The following DNAH2 variants were observed in gnomAD, a reference collection of about 807,000 sequenced individuals.
DNAH2 encodes axonemal beta dynein heavy chain 2.
In DNAH2, 323 loss-of-function variants were observed where a neutral mutation model predicts 523.5. The observed-to-expected ratio is 0.62, with a 90% CI of 0.56 to 0.68. The LOEUF (loss-of-function observed/expected upper bound fraction) is 0.68. Among genes scored for constraint, DNAH2 ranks in the 30% least tolerant of loss-of-function variants. DNAH2 has a pLI of 0.00. For missense variants in DNAH2, 4,907 were observed against 5,701.5 expected, an observed-to-expected ratio of 0.86 and a Z score of 4.49; for synonymous variants, 2,093 against 2,177.4, an observed-to-expected ratio of 0.96 and a Z score of 1.08.
In DNAH2 at chr17:7,760,688, A is replaced by G; in HGVS notation, c.2786-52A>G. The G allele has an allele frequency of 1.3e-6, 2 of 1,565,704 alleles. No homozygotes were observed. The highest frequency in any genetic ancestry group is 1.7e-6 in the Non-Finnish European group (2 of 1,152,192). ...GAGCAGTGGGCAGGGCTCAGGCAGAAGTTGGGTTGGGGTGGAAGTCAGTGA... is the reference window on the plus strand; with the variant it reads ...GAGCAGTGGGCAGGGCTCAGGCAGAGGTTGGGTTGGGGTGGAAGTCAGTGA... On this transcript the variant is annotated intron_variant, in intron 17 of 85. Transcript: ENST00000572933. This position sits in a 1 kb window ranked among gnomAD's most constrained non-coding sequence, Gnocchi z 4.0.
rs992485049 is a variant in DNAH2, at chr17:7,833,721, T to C, written c.*188T>C. The C allele has an allele frequency of 1.3e-6, 1 of 795,586 alleles. No individual in the cohort carries two copies. Among genetic ancestry groups the C allele is most frequent in the Non-Finnish European group, 2.1e-6 (1 of 473,412 alleles). 49.3% of individuals were successfully genotyped at this position (795,586 alleles called of 1,614,324 possible). ...AAAGAGTTGTATTGGAGCTCAGTGC[T>C]GTAAAACACCCGCGACAACAAGCCT... On this transcript the variant is annotated 3_prime_UTR_variant, in exon 86 of 86. Coordinates refer to ENST00000572933, the MANE Select transcript of DNAH2 (RefSeq NM_020877.5).
At chr17:7,759,739 G>C (rs527874791) in intron 16 of DNAH2, 52 bp from the exon 17 acceptor site, 1 of 1,611,292 alleles carries the variant, frequency 6.2e-7, no homozygotes, top group East Asian at 2.2e-5. Context: ...TGAAGTGTGT[G>C]ACCTTCCCAG....
Position 7,766,420 on chromosome 17 carries a change from C to T in DNAH2, c.3614C>T (p.Ala1205Val), listed in dbSNP as rs778574049. The change falls in exon 22 of 86, where the codon GCC becomes GTC. Residue 1205 changes from alanine to valine, a missense_variant. This residue lies in a region of DNAH2 where 2,806 missense variants were observed against 3,190.8 expected (regional missense o/e 0.88). Coordinates refer to ENST00000572933, the MANE Select transcript of DNAH2 (RefSeq NM_020877.5). The stretch of plus-strand genomic sequence containing the variant: ...CGGGAAGAGGAAAATAGTCTCCGAG[C>T]CAACCTGGGCATCTTCAAGATCGAG... ...AMREEENSLR[A>V]NLGIFKIEQP... 6.2e-7 allele frequency: 1 copy of T among 1,613,998 alleles called. No individual in the cohort carries two copies. The highest frequency in any genetic ancestry group is 1.1e-5 in the South Asian group (1 of 91,082).
chr17:7,753,677 G>A lies in DNAH2; in HGVS notation c.1905-3414G>A, dbSNP rs533269736. Among the ~76,000 whole-genome samples, 19 of 152,314 alleles carry A rather than the reference G, an allele frequency of 1.2e-4. No individual in the cohort carries two copies. The South Asian group carries it at 2.3e-3, about 18-fold the overall frequency. On this transcript the variant is annotated intron_variant, in intron 12 of 85. Transcript: ENST00000572933. Reference sequence around the variant, plus strand: ...AAAACCTACAGGCTTGCTGGGTGCTGTGGCTCACGCCTGTAACCCCAGCCC... The same window carrying A: ...AAAACCTACAGGCTTGCTGGGTGCTATGGCTCACGCCTGTAACCCCAGCCC...
intron 59 of DNAH2, 32 bp downstream of exon 59, chr17:7,804,498 A>G: frequency 6.2e-7 from 1 of 1,601,070 alleles, no homozygotes; most frequent in Non-Finnish European, 8.5e-7. Context: ...CCCGTGCCCC[A>G]CTCCCACCAG....
chr17:7,827,800 T>C (rs1001029458), intron 77 of DNAH2, among the ~76,000 whole-genome samples: 1 of 152,096 alleles, frequency 6.6e-6, no homozygotes, highest in Non-Finnish European at 1.5e-5. Context: ...TCTCAAATAC[T>C]GCGAAAGTAC....
intron 63 of DNAH2, among the ~76,000 whole-genome samples, chr17:7,813,705 C>T (rs947042667): frequency 9.2e-5 from 14 of 151,986 alleles, no homozygotes; most frequent in Admixed American, 2.6e-4. Context: ...GTCAGGAGTT[C>T]GAGACCAGCC....
At position 7,798,808 on chromosome 17, in the gene DNAH2, G is replaced by GCACACCCCCACTGCCACACCCCCACTGC; in HGVS notation, c.8559+92_8559+119dup. On this transcript the variant is annotated intron_variant, in intron 55 of 85. Transcript: ENST00000572933. This position sits in a 1 kb window ranked among gnomAD's most constrained non-coding sequence, Gnocchi z 5.5. ...CCACAGCTCCCAGAATGTGCCACTG[G>GCACACCCCCACTGCCACACCCCCACTGC]CACACCCCCACTGCCACACCCCCAC... is the stretch of plus-strand genomic sequence containing the variant. 1 of 1,439,308 alleles carries GCACACCCCCACTGCCACACCCCCACTGC rather than the reference G, an allele frequency of 6.9e-7. No homozygotes were observed. The highest frequency in any genetic ancestry group is 2.3e-5 in the East Asian group (1 of 44,088). 89.2% of individuals were successfully genotyped at this position (1,439,308 alleles called of 1,614,324 possible).
rs2076296610 is a variant in DNAH2 at position 7,770,881 on chromosome 17, T to G, written c.4310T>G (p.Leu1437Trp). The G allele has an allele frequency of 6.2e-7, 1 of 1,614,074 alleles. No individual in the cohort carries two copies. Among genetic ancestry groups the G allele is most frequent in the Admixed American group, 1.7e-5 (1 of 59,998 alleles). Residue 1437 changes from leucine to tryptophan, a missense_variant, in exon 27 of 86, where the codon TTG (leucine) becomes TGG (tryptophan). Leu to Trp is a moderately conservative substitution (Grantham distance 61). This residue lies in a region of DNAH2 where 2,806 missense variants were observed against 3,190.8 expected (regional missense o/e 0.88). Transcript: ENST00000572933. ...TGGGAACGCTGCCTCTCCCTCATTT[T>G]GGAGGTTATTGAGATGATTCTCACA... is the stretch of plus-strand genomic sequence containing the variant. ...DHWERCLSLI[L>W]EVIEMILTVQ...
At chr17:7,728,808 A>C (rs1362069235) in intron 4 of DNAH2, among the ~76,000 whole-genome samples, 1 of 152,128 alleles carries the variant, frequency 6.6e-6, no homozygotes, top group Non-Finnish European at 1.5e-5. Flanking sequence ...AACATAGTGC[A>C]ACCCCATCTC....
At chr17:7,744,132 A>C (rs934537335) in intron 12 of DNAH2, among the ~76,000 whole-genome samples, 8 of 152,002 alleles carry the variant, frequency 5.3e-5, no homozygotes, top group Non-Finnish European at 1.2e-4. Flanking sequence ...TGTCTCTACT[A>C]AAAATACAAA....
chr17:7,756,055 C>T (rs1057251317), intron 12 of DNAH2, among the ~76,000 whole-genome samples: 14 of 151,872 alleles, frequency 9.2e-5, no homozygotes, highest in East Asian at 2.0e-4. Flanking sequence ...GCCTGGCCAA[C>T]GTGGCAAAAC....
Position 7,817,625 on chromosome 17 carries a change from C to T in DNAH2, c.10085C>T (p.Thr3362Ile), listed in dbSNP as rs143034272. ...ATCGATAACTTCCTGTGCAATCCTA[C>T]CAAAGTCCGGGACTGGAACATCCAA... Reference protein sequence around the residue: ...FAIDNFLCNPTKVRDWNIQGL... With the variant: ...FAIDNFLCNPIKVRDWNIQGL... Residue 3362 changes from threonine (T) to isoleucine (I), a missense_variant, in exon 66 of 86, where the codon ACC (threonine) becomes ATC (isoleucine). Physicochemically the swap from Thr to Ile is moderately conservative, Grantham distance 89. This residue lies in a region of DNAH2 where 1,851 missense variants were observed against 2,139.4 expected (regional missense o/e 0.87). Coordinates refer to ENST00000572933, the MANE Select transcript of DNAH2 (RefSeq NM_020877.5). 4.6e-5 allele frequency: 74 copies of T among 1,614,026 alleles called. No homozygotes were observed. Among genetic ancestry groups the T allele is most frequent in the Non-Finnish European group, 6.0e-5 (71 of 1,180,032 alleles).
rs548524201 is a variant in DNAH2, at chr17:7,717,787, G to C, written c.-1027G>C. 6.6e-6 allele frequency: 1 copy of C among 152,468 alleles called. No homozygotes were observed. Among genetic ancestry groups the C allele is most frequent in the South Asian group, 2.1e-4 (1 of 4,818 alleles). 9.4% of individuals were successfully genotyped at this position (152,468 alleles called of 1,614,324 possible). On this transcript the variant is annotated 5_prime_UTR_variant, in exon 1 of 86. Coordinates refer to ENST00000572933, the MANE Select transcript of DNAH2 (RefSeq NM_020877.5). ...GGGCTGCGAGGGGCAACTTCTTAGAGTGGCCCATCGGTCGGTCTAGGGAGG... is the reference window on the plus strand; with the variant it reads ...GGGCTGCGAGGGGCAACTTCTTAGACTGGCCCATCGGTCGGTCTAGGGAGG...
intron 12 of DNAH2, 161 bp downstream of exon 12, chr17:7,743,303 G>A (rs75703833): frequency 9.0e-6 from 7 of 775,708 alleles, no homozygotes; most frequent in Admixed American, 2.2e-5. Flanking sequence ...TTTTATTTTT[G>A]TCTCTCCCCA....
At chr17:7,740,072 G>T (rs561674152) in intron 9 of DNAH2, 134 bp downstream of exon 9, 20 of 665,466 alleles carry the variant, frequency 3.0e-5, no homozygotes, top group Non-Finnish European at 4.5e-5. Context: ...GGCCCGGGGG[G>T]GGGGACAGGA....
At chr17:7,729,327 C>G (rs1005684344) in intron 4 of DNAH2, among the ~76,000 whole-genome samples, 1 of 151,296 alleles carries the variant, frequency 6.6e-6, no homozygotes, top group Non-Finnish European at 1.5e-5. Context: ...CAAAGGATTA[C>G]TTGAGCCCAG....
intron 4 of DNAH2, among the ~76,000 whole-genome samples, chr17:7,732,603 G>T (rs2075021398): frequency 6.6e-6 from 1 of 152,096 alleles, no homozygotes; most frequent in Non-Finnish European, 1.5e-5. Flanking sequence ...ATATGCTTTT[G>T]TACGTAAACC....
intron 12 of DNAH2, among the ~76,000 whole-genome samples, chr17:7,746,559 T>G (rs2075523241): frequency 6.6e-6 from 1 of 152,210 alleles, no homozygotes; most frequent in Non-Finnish European, 1.5e-5. Flanking sequence ...TTTGGTATAT[T>G]TTTATCACTT....
Sources: gnomAD v4.1 joint callset for allele counts (sites outside exome capture counted in the v4.1 genomes callset) on GRCh38, gnomAD v4.1.1 for gene constraint, gnomAD v4.1.1 regional missense constraint, Gnocchi (gnomAD v3.1) non-coding constraint, MANE v1.5 for transcripts, NCBI Gene and HGNC (gene_info 2026-07-23, HGNC 2026-07-21) for gene names.